SULT1B1: variants seen among roughly 807,000 people sequenced by gnomAD.
SULT1B1 encodes sulfotransferase 1B1.
Under a neutral mutation model 34.6 loss-of-function variants are expected in SULT1B1, and 28 were observed. That is an observed-to-expected ratio of 0.81 (90% CI 0.60 to 1.11). The LOEUF is 1.11. Ranked by LOEUF, SULT1B1 falls within the 50% of genes least tolerant of loss-of-function variation. The probability of loss-of-function intolerance (pLI) is 0.00; values close to 1 mark genes in which losing one functional copy is unlikely to be tolerated. For missense variants in SULT1B1, 374 were observed against 352.2 expected, an observed-to-expected ratio of 1.06 and a Z score of -0.50; for synonymous variants, 147 against 110.2, an observed-to-expected ratio of 1.33 and a Z score of -2.09.
At chr4:69,756,407 A>G (rs1719195231) in intron 1 of SULT1B1, among the ~76,000 whole-genome samples, 1 of 152,044 alleles carries the variant, frequency 6.6e-6, no homozygotes, top group African/African-American at 2.4e-5. Flanking sequence ...GCCAAACACT[A>G]CTCAGAGTGT....
chr4:69,758,853 A>T (rs1054531338), intron 1 of SULT1B1, among the ~76,000 whole-genome samples: 3 of 152,076 alleles, frequency 2.0e-5, no homozygotes, highest in African/African-American at 7.2e-5. Context: ...TATATGCATA[A>T]AATTGATTTA....
At chr4:69,750,690 A>C (rs949625930) in intron 3 of SULT1B1, among the ~76,000 whole-genome samples, 3 of 152,186 alleles carry the variant, frequency 2.0e-5, no homozygotes, top group African/African-American at 7.2e-5. Flanking sequence ...TTTTCTCTTA[A>C]TGTTCTATGA....
intron 3 of SULT1B1, among the ~76,000 whole-genome samples, chr4:69,750,630 G>A (rs2110029525): frequency 6.6e-6 from 1 of 152,256 alleles, no homozygotes; most frequent in Admixed American, 6.5e-5. Flanking sequence ...TGTTTTAAAT[G>A]TTCACAGTAA....
chr4:69,739,395 C>G (rs1718449411), intron 4 of SULT1B1, among the ~76,000 whole-genome samples: 1 of 152,218 alleles, frequency 6.6e-6, no homozygotes, highest in South Asian at 2.1e-4. Context: ...AGTGCACCCA[C>G]AAGCTCAACA....
chr4:69,759,779 A>G (rs888135517), intron 1 of SULT1B1, among the ~76,000 whole-genome samples: 2 of 152,224 alleles, frequency 1.3e-5, no homozygotes, highest in Non-Finnish European at 2.9e-5. Flanking sequence ...GGAACAGGCT[A>G]TTTAAAGTAG....
At position 69,755,271 on chromosome 4, in the gene SULT1B1, T is replaced by C; in HGVS notation, c.-44-10A>G. On this transcript the variant is annotated splice_polypyrimidine_tract_variant and intron_variant, in intron 1 of 7. Coordinates refer to ENST00000310613, the MANE Select transcript of SULT1B1 (RefSeq NM_014465.4). ...TAGATTGACAGTTGTTCTGGAGAAA[T>C]ATAGAGAATAAAAATCAGAATCTGA... 1 of 1,571,178 alleles carries C rather than the reference T, an allele frequency of 6.4e-7. No individual in the cohort carries two copies. Among genetic ancestry groups the C allele is most frequent in the Non-Finnish European group, 8.7e-7 (1 of 1,147,578 alleles).
In SULT1B1 at chr4:69,722,663, G is replaced by A. The variant is rs1190971943; in HGVS notation, c.*4425C>T. The A allele has an allele frequency of 6.6e-6, 1 of 152,048 alleles. No individual in the cohort carries two copies. Among genetic ancestry groups the A allele is most frequent in the Non-Finnish European group, 1.5e-5 (1 of 68,014 alleles). 9.4% of individuals were successfully genotyped at this position (152,048 alleles called of 1,614,324 possible). On this transcript the variant is annotated 3_prime_UTR_variant, in exon 8 of 8. Transcript: ENST00000310613. ...AATAATAGGTGTACTACTTCTATGAGGTTTGTTGTTACCACTAGACCAATC... is the reference window on the plus strand; with the variant it reads ...AATAATAGGTGTACTACTTCTATGAAGTTTGTTGTTACCACTAGACCAATC...
Position 69,726,813 on chromosome 4 carries a change from G to T in SULT1B1, c.*275C>A, listed in dbSNP as rs1278858477. The stretch of plus-strand genomic sequence containing the variant: ...AAAATAAATCCCTTCTTTCTTATCA[G>T]TACTAGTGTAGAAAAAGGCAGGAAG... On this transcript the variant is annotated 3_prime_UTR_variant, in exon 8 of 8. Coordinates refer to ENST00000310613, the MANE Select transcript of SULT1B1 (RefSeq NM_014465.4). The T allele has an allele frequency of 1.4e-5, 4 of 291,062 alleles. No homozygotes were observed. The highest frequency in any genetic ancestry group is 8.8e-5 in the African/African-American group (4 of 45,242). The allele number at this position is 291,062 out of a possible 1,614,324, so 18.0% of individuals were successfully genotyped here.
At chr4:69,751,090 G>C (rs1718962968) in intron 3 of SULT1B1, among the ~76,000 whole-genome samples, 1 of 152,062 alleles carries the variant, frequency 6.6e-6, no homozygotes, top group African/African-American at 2.4e-5. Context: ...TATTTTATTT[G>C]CCAATATAAA....
At chr4:69,728,259 C>G (rs1717917304) in intron 7 of SULT1B1, among the ~76,000 whole-genome samples, 1 of 152,166 alleles carries the variant, frequency 6.6e-6, no homozygotes, top group African/African-American at 2.4e-5. Flanking sequence ...ATAATATACG[C>G]AAACACATTT....
intron 4 of SULT1B1, among the ~76,000 whole-genome samples, chr4:69,745,329 G>C (rs1718709486): frequency 6.6e-6 from 1 of 152,130 alleles, no homozygotes; most frequent in South Asian, 2.1e-4. Flanking sequence ...AATATTATGT[G>C]GTTATGTAAG....
intron 4 of SULT1B1, among the ~76,000 whole-genome samples, chr4:69,736,380 T>C (rs1001107701): frequency 6.6e-6 from 1 of 152,182 alleles, no homozygotes; most frequent in Non-Finnish European, 1.5e-5. Context: ...AGGGACTGCT[T>C]GTGCCACCCT....
intron 3 of SULT1B1, among the ~76,000 whole-genome samples, chr4:69,753,208 C>G (rs1719046563): frequency 6.6e-6 from 1 of 152,174 alleles, no homozygotes; most frequent in African/African-American, 2.4e-5. Context: ...GTGTTCCTCT[C>G]CAAGTACTTT....
At chr4:69,749,892 GT>G in intron 3 of SULT1B1, 74 bp from the exon 4 acceptor site, 1 of 1,102,144 alleles carries the variant, frequency 9.1e-7, no homozygotes, top group African/African-American at 1.6e-5. Context: ...TTGCCAACCA[GT>G]TTTTCAAGAC....
intron 3 of SULT1B1, among the ~76,000 whole-genome samples, chr4:69,750,122 TA>T (rs1291603034): frequency 6.6e-6 from 1 of 152,152 alleles, no homozygotes; most frequent in Admixed American, 6.5e-5. Flanking sequence ...GGAGAGATAA[TA>T]ATACCCTCTT....
At chr4:69,758,042 C>A (rs1719256864) in intron 1 of SULT1B1, among the ~76,000 whole-genome samples, 1 of 152,118 alleles carries the variant, frequency 6.6e-6, no homozygotes. Flanking sequence ...AGTTATCCTC[C>A]ATTTCCAGTA....
At chr4:69,741,369 T>C (rs962475539) in intron 4 of SULT1B1, among the ~76,000 whole-genome samples, 2 of 152,196 alleles carry the variant, frequency 1.3e-5, no homozygotes, top group African/African-American at 4.8e-5. Context: ...ATTTGGGTTC[T>C]TTTTTTGTTC....
rs926517906 is a variant in SULT1B1, at chr4:69,753,192, C to A, written c.277+1478G>T. On this transcript the variant is annotated intron_variant, in intron 3 of 7. Transcript: ENST00000310613. ...AATTGAATTATTAATAACCCTACAC[C>A]CAAATGTGTTCCTCTCCAAGTACTT... 2.6e-5 allele frequency among the ~76,000 whole-genome samples: 4 copies of A among 152,150 alleles called. No individual in the cohort carries two copies. The South Asian group carries it at 6.2e-4, about 24-fold the overall frequency.
chr4:69,739,035 C>T (rs770994385), intron 4 of SULT1B1, among the ~76,000 whole-genome samples: 17 of 152,224 alleles, frequency 1.1e-4, no homozygotes, highest in Non-Finnish European at 1.8e-4. Flanking sequence ...CTCCCACGAC[C>T]TTGGTCAGCT....
Sources: gnomAD v4.1 joint callset for allele counts (sites outside exome capture counted in the v4.1 genomes callset) on GRCh38, gnomAD v4.1.1 for gene constraint, MANE v1.5 for transcripts, NCBI Gene and HGNC (gene_info 2026-07-23, HGNC 2026-07-21) for gene names.